CEP85L: variants seen among roughly 807,000 people sequenced by gnomAD.
CEP85L encodes the protein centrosomal protein of 85 kDa-like.
A neutral mutation model predicts 100.3 loss-of-function variants in CEP85L; 60 were observed. The ratio of observed to expected loss-of-function variants is 0.60; its 90% confidence interval spans 0.49 to 0.74. The LOEUF is 0.74. Ranked by LOEUF, CEP85L falls within the 30% of genes least tolerant of loss-of-function variation. The probability of loss-of-function intolerance (pLI) is 0.00; values close to 1 mark genes in which losing one functional copy is unlikely to be tolerated. For missense variants in CEP85L, 973 were observed against 936.2 expected, an observed-to-expected ratio of 1.04 and a Z score of -0.51; for synonymous variants, 319 against 322.7, an observed-to-expected ratio of 0.99 and a Z score of 0.12.
chr6:118,476,135 C>A (rs915006146), intron 10 of CEP85L, among the ~76,000 whole-genome samples: 3 of 152,102 alleles, frequency 2.0e-5, no homozygotes, highest in African/African-American at 2.4e-5. Context: ...ACAACTCCCC[C>A]CCGCGACATA....
chr6:118,693,017 A>G, intron 1 of CEP85L, among the ~76,000 whole-genome samples: 1 of 152,236 alleles, frequency 6.6e-6, no homozygotes, highest in Non-Finnish European at 1.5e-5. Flanking sequence ...TGAAGGTGGT[A>G]CTCATGTGAT....
chr6:118,498,039 T>C (rs929318997), intron 5 of CEP85L, among the ~76,000 whole-genome samples: 5 of 152,344 alleles, frequency 3.3e-5, no homozygotes, highest in African/African-American at 1.2e-4. Flanking sequence ...ATGGTACTTA[T>C]CATAAGGTAC....
chr6:118,651,359 T>G lies in CEP85L; in HGVS notation c.-90A>C. On this transcript the variant is annotated 5_prime_UTR_variant, in exon 1 of 13. Coordinates refer to ENST00000368491, the MANE Select transcript of CEP85L (RefSeq NM_001042475.3). ...CGGCGGCGGAAACTTGCGCGGAGCG[T>G]GGGCCTCGGCGACACGGGCAGGAGG... 1 of 1,377,404 alleles carries G rather than the reference T, an allele frequency of 7.3e-7. No individual in the cohort carries two copies. 85.3% of individuals were successfully genotyped at this position (1,377,404 alleles called of 1,614,324 possible). A position where few individuals can be genotyped will look rare whatever the true frequency, so the allele number is the denominator to read the frequency against.
chr6:118,652,485 G>A (rs1262502895), upstream of CEP85L: 5 of 1,319,920 alleles, frequency 3.8e-6, no homozygotes, highest in Non-Finnish European at 4.8e-6. Context: ...GCACTGTGGT[G>A]GGAGGCGGGC....
intron 2 of CEP85L, among the ~76,000 whole-genome samples, chr6:118,595,633 T>A (rs972773223): frequency 6.6e-6 from 1 of 152,186 alleles, no homozygotes; most frequent in Non-Finnish European, 1.5e-5. Flanking sequence ...AAATATCTCC[T>A]AAAAGTAACT....
intron 2 of CEP85L, among the ~76,000 whole-genome samples, chr6:118,617,650 C>G (rs1024851656): frequency 1.3e-5 from 2 of 152,228 alleles, no homozygotes; most frequent in African/African-American, 4.8e-5. Flanking sequence ...TTCGGGACCC[C>G]TTCCATGCTG....
At chr6:118,656,884 G>A (rs1173905239), upstream of CEP85L, 1 of 152,230 alleles carries the variant, frequency 6.6e-6, no homozygotes, top group Non-Finnish European at 1.5e-5. Flanking sequence ...GCTCAGCCGA[G>A]ATACTTGGGC....
intron 2 of CEP85L, among the ~76,000 whole-genome samples, chr6:118,591,122 G>A (rs62422193): frequency 0.13 from 20,343 of 152,096 alleles, 1,734 homozygotes; most frequent in Non-Finnish European, 0.18. Context: ...ATATACTGAA[G>A]GTAAAACTGA....
chr6:118,561,730 A>G (rs1244837240), intron 3 of CEP85L, among the ~76,000 whole-genome samples: 1 of 152,278 alleles, frequency 6.6e-6, no homozygotes, highest in East Asian at 1.9e-4. Flanking sequence ...GGGCTGCTCT[A>G]TAATACACTT....
At chr6:118,480,590 A>G (rs1773706107) in intron 8 of CEP85L, 77 bp from the exon 9 acceptor site, 2 of 886,448 alleles carry the variant, frequency 2.3e-6, no homozygotes, top group Admixed American at 4.2e-5. Flanking sequence ...ATAAATGATT[A>G]TTGCTTTATT....
intron 7 of CEP85L, 131 bp downstream of exon 7, chr6:118,483,575 G>T: frequency 2.7e-6 from 2 of 749,070 alleles, no homozygotes; most frequent in Non-Finnish European, 4.3e-6. Context: ...GATAAACAAA[G>T]TTTCTTATTA....
At chr6:118,471,962 C>G (rs1772992740) in intron 10 of CEP85L, among the ~76,000 whole-genome samples, 1 of 151,540 alleles carries the variant, frequency 6.6e-6, no homozygotes, top group Admixed American at 6.6e-5. Flanking sequence ...AGAATTCAAC[C>G]TAAATTTTCT....
chr6:118,470,634 C>G lies in CEP85L; in HGVS notation c.1925G>C (p.Gly642Ala). Residue 642 changes from glycine (G) to alanine (A), a missense_variant, in exon 11 of 13, where the codon GGA becomes GCA. Gly to Ala is a moderately conservative substitution (Grantham distance 60). Coordinates refer to ENST00000368491, the MANE Select transcript of CEP85L (RefSeq NM_001042475.3). ...RMILEIQSMQ[G>A]KLSKEKLTTQ... The stretch of plus-strand genomic sequence containing the variant: ...GGTCAGTTTCTCTTTAGAAAGCTTT[C>G]CTTGCATAGACTAGAATTTTTAAAA... 1 of 1,586,450 alleles carries G rather than the reference C, an allele frequency of 6.3e-7. No individual in the cohort carries two copies. The highest frequency in any genetic ancestry group is 8.6e-7 in the Non-Finnish European group (1 of 1,166,608).
intron 1 of CEP85L, among the ~76,000 whole-genome samples, chr6:118,669,265 C>T (rs920316062): frequency 6.6e-6 from 1 of 152,218 alleles, no homozygotes; most frequent in Non-Finnish European, 1.5e-5. Context: ...TGATGCGTTT[C>T]AGTTGCTTAC....
intron 1 of CEP85L, among the ~76,000 whole-genome samples, chr6:118,660,014 T>C (rs1562345927): frequency 6.6e-6 from 1 of 152,260 alleles, no homozygotes; most frequent in Non-Finnish European, 1.5e-5. Flanking sequence ...TTAGAACAGA[T>C]GGCTTAAAAT....
chr6:118,526,960 C>T (rs996208667), intron 3 of CEP85L, among the ~76,000 whole-genome samples: 1 of 150,692 alleles, frequency 6.6e-6, no homozygotes, highest in Non-Finnish European at 1.5e-5. Flanking sequence ...CTCAGGGCTG[C>T]TCTGCCTGTG....
intron 12 of CEP85L, among the ~76,000 whole-genome samples, chr6:118,468,246 A>C (rs1156879366): frequency 1.3e-5 from 2 of 152,208 alleles, no homozygotes; most frequent in Admixed American, 6.5e-5. Context: ...AAATGGTGGA[A>C]TCTTTTTGAT....
intron 1 of CEP85L, among the ~76,000 whole-genome samples, chr6:118,683,205 T>C (rs1776724986): frequency 6.6e-6 from 1 of 152,182 alleles, no homozygotes; most frequent in Non-Finnish European, 1.5e-5. Flanking sequence ...AAAAACCTAA[T>C]AACTATGTTT....
chr6:118,654,451 A>C (rs143049299), upstream of CEP85L, among the ~76,000 whole-genome samples: 175 of 152,348 alleles, frequency 1.1e-3, no homozygotes, highest in African/African-American at 4.1e-3. Context: ...AACTATTGCT[A>C]CTACATAGAA....
Sources: gnomAD v4.1 joint callset for allele counts (sites outside exome capture counted in the v4.1 genomes callset) on GRCh38, gnomAD v4.1.1 for gene constraint, MANE v1.5 for transcripts, NCBI Gene and HGNC (gene_info 2026-07-23, HGNC 2026-07-21) for gene names.